The following AHCYL1 variants were observed in gnomAD, a reference collection of about 807,000 sequenced individuals.
The protein encoded by AHCYL1 is S-adenosylhomocysteine hydrolase-like protein 1.
In AHCYL1, 20 loss-of-function variants were observed where a neutral mutation model predicts 79.3. That is an observed-to-expected ratio of 0.25 (90% CI 0.18 to 0.37). The LOEUF is 0.37. AHCYL1 is among the 10% of genes least tolerant of loss of function. AHCYL1 has a pLI of 1.00. For missense variants in AHCYL1, 330 were observed against 673.6 expected, an observed-to-expected ratio of 0.49 and a Z score of 5.65; for synonymous variants, 223 against 242.2, an observed-to-expected ratio of 0.92 and a Z score of 0.74.
chr1:110,011,382 G>A (rs780056087), intron 3 of AHCYL1, 25 bp downstream of exon 3: 83 of 1,610,798 alleles, frequency 5.2e-5, no homozygotes, highest in Non-Finnish European at 6.9e-5. Context: ...TGGGTTAGGG[G>A]ACCAGAAACA....
chr1:110,006,578 A>G (rs1454063203), intron 1 of AHCYL1, among the ~76,000 whole-genome samples: 2 of 152,196 alleles, frequency 1.3e-5, no homozygotes, highest in African/African-American at 4.8e-5. Flanking sequence ...TGCTTTTGGC[A>G]GCAGTGTTTA....
intron 1 of AHCYL1, among the ~76,000 whole-genome samples, chr1:109,997,764 G>A (rs1388373699): frequency 2.0e-5 from 3 of 152,168 alleles, no homozygotes; most frequent in Non-Finnish European, 4.4e-5. Context: ...AGAGGTTGGA[G>A]CACATAGAGT....
rs927929927 is a variant in AHCYL1 at position 109,995,599 on chromosome 1, T to G, written c.120+10427T>G. On this transcript the variant is annotated intron_variant, in intron 1 of 16. Coordinates refer to ENST00000369799, the MANE Select transcript of AHCYL1 (RefSeq NM_006621.7). Reference sequence around the variant, plus strand: ...ATTTGTTCCCTGTATTGGAAGTTGCTTTATCAAGAGCCTAGTAAACTCAGT... The same window carrying G: ...ATTTGTTCCCTGTATTGGAAGTTGCGTTATCAAGAGCCTAGTAAACTCAGT... 6 of 938,808 alleles carry G rather than the reference T, an allele frequency of 6.4e-6. No individual in the cohort carries two copies. In the African/African-American group the frequency reaches 1.1e-4, roughly 17 times the overall value. 58.2% of individuals were successfully genotyped at this position (938,808 alleles called of 1,614,324 possible).
intron 1 of AHCYL1, among the ~76,000 whole-genome samples, chr1:109,989,984 T>A (rs1364916461): frequency 6.6e-6 from 1 of 152,246 alleles, no homozygotes; most frequent in Non-Finnish European, 1.5e-5. Flanking sequence ...TATCAGTGCC[T>A]ATTGTGTAGT....
At chr1:110,008,849 T>C (rs1200037274) in intron 1 of AHCYL1, among the ~76,000 whole-genome samples, 185 bp from the exon 2 acceptor site, 3 of 152,178 alleles carry the variant, frequency 2.0e-5, no homozygotes, top group Admixed American at 2.0e-4. Flanking sequence ...GAGACAGTGA[T>C]TGACGTGTTG....
intron 10 of AHCYL1, 82 bp from the exon 11 acceptor site, chr1:110,017,864 G>A (rs1200020767): frequency 1.4e-6 from 2 of 1,403,082 alleles, no homozygotes; most frequent in African/African-American, 2.8e-5. Context: ...CCAACTAGAA[G>A]GGGATCTTGT....
At chr1:110,005,252 C>T (rs1270594224) in intron 1 of AHCYL1, among the ~76,000 whole-genome samples, 1 of 152,152 alleles carries the variant, frequency 6.6e-6, no homozygotes, top group Non-Finnish European at 1.5e-5. Flanking sequence ...GAATCTAGTT[C>T]TTGACACTTA....
At chr1:110,020,923 C>T (rs145896615) in intron 16 of AHCYL1, 72 bp downstream of exon 16, 17,984 of 1,527,508 alleles carry the variant, frequency 0.012, 118 homozygotes, top group Non-Finnish European at 0.014. Flanking sequence ...CTGCTTCTGA[C>T]ATAAAGATCA....
chr1:110,021,560 G>A (rs1229183713), intron 16 of AHCYL1, 114 bp from the exon 17 acceptor site: 2 of 960,702 alleles, frequency 2.1e-6, no homozygotes, highest in African/African-American at 3.3e-5. Flanking sequence ...ATGACTGCAG[G>A]GATCCCACCC....
At chr1:109,995,963 T>C (rs1570852091) in intron 1 of AHCYL1, among the ~76,000 whole-genome samples, 1 of 152,192 alleles carries the variant, frequency 6.6e-6, no homozygotes, top group African/African-American at 2.4e-5. Flanking sequence ...CTCACGCCTG[T>C]AATCCCAACA....
At chr1:109,996,765 T>C (rs919110059) in intron 1 of AHCYL1, among the ~76,000 whole-genome samples, 4 of 152,182 alleles carry the variant, frequency 2.6e-5, no homozygotes, top group Non-Finnish European at 2.9e-5. Context: ...ATTTTTCAGC[T>C]CTATCATATT....
intron 1 of AHCYL1, among the ~76,000 whole-genome samples, chr1:109,999,935 A>C (rs958306637): frequency 1.4e-4 from 22 of 152,080 alleles, no homozygotes; most frequent in African/African-American, 5.3e-4. Flanking sequence ...GATCTTTTAG[A>C]CATAAGACTT....
chr1:110,004,752 AAGAG>A (rs150156904), intron 1 of AHCYL1, among the ~76,000 whole-genome samples: 3 of 152,282 alleles, frequency 2.0e-5, no homozygotes, highest in South Asian at 2.1e-4. Flanking sequence ...TCTCTTTAAA[AAGAG>A]AGAGAACGTA....
chr1:110,003,709 ACAGGT>A (rs1462155569), intron 1 of AHCYL1, among the ~76,000 whole-genome samples: 1 of 152,166 alleles, frequency 6.6e-6, no homozygotes, highest in East Asian at 1.9e-4. Flanking sequence ...AGAAGTATGG[ACAGGT>A]CAGGCAACTA....
rs755282643 is a variant in AHCYL1, at chr1:110,014,788, C to T, written c.606C>T (p.Gly202=). The change falls in exon 6 of 17, where the codon GGC becomes GGT. Residue 202 remains glycine (G), a synonymous_variant. Coordinates refer to ENST00000369799, the MANE Select transcript of AHCYL1 (RefSeq NM_006621.7). ...EAGVAVFAWK[G]ESEDDFWWCI... The stretch of plus-strand genomic sequence containing the variant: ...GAGTTGCAGTGTTCGCTTGGAAGGG[C>T]GAGTCAGAAGATGACTTCTGGTGGT... 8.1e-6 allele frequency: 13 copies of T among 1,614,122 alleles called. No individual in the cohort carries two copies. The highest frequency in any genetic ancestry group is 4.5e-5 in the East Asian group (2 of 44,874).
At position 110,012,413 on chromosome 1, in the gene AHCYL1, T is replaced by C; in HGVS notation, c.428T>C (p.Leu143Ser). The change falls in exon 4 of 17, where the codon TTG becomes TCG. Residue 143 changes from leucine to serine, a missense_variant. This residue lies in a region of AHCYL1 where 97 missense variants were observed against 176.3 expected (regional missense o/e 0.55). Transcript: ENST00000369799. ...AAACGTGCTCAGGGGGAGAAGCCCTTGGCTGGTGCTAAAATAGTGGGCTGT... is the reference window on the plus strand; with the variant it reads ...AAACGTGCTCAGGGGGAGAAGCCCTCGGCTGGTGCTAAAATAGTGGGCTGT... Reference protein sequence around the residue: ...LRKRAQGEKPLAGAKIVGCTH... With the variant: ...LRKRAQGEKPSAGAKIVGCTH... 1 of 1,613,920 alleles carries C rather than the reference T, an allele frequency of 6.2e-7. No individual in the cohort carries two copies.
intron 1 of AHCYL1, among the ~76,000 whole-genome samples, chr1:109,997,838 C>A (rs1038597668): frequency 7.9e-5 from 12 of 152,288 alleles, no homozygotes; most frequent in African/African-American, 2.6e-4. Context: ...AGGTCAAGAC[C>A]TCTTTACTTT....
At chr1:109,994,224 A>G (rs1649907770) in intron 1 of AHCYL1, among the ~76,000 whole-genome samples, 6 of 152,156 alleles carry the variant, frequency 3.9e-5, no homozygotes, top group Admixed American at 3.9e-4. Flanking sequence ...GGCAAGATTC[A>G]GGGGAAAAGG....
intron 1 of AHCYL1, among the ~76,000 whole-genome samples, chr1:109,989,139 C>T (rs17025294): frequency 2.0e-5 from 3 of 152,106 alleles, no homozygotes; most frequent in Non-Finnish European, 2.9e-5. Context: ...AAGATTTCTC[C>T]GCAGGTATTG....
Sources: gnomAD v4.1 joint callset for allele counts (sites outside exome capture counted in the v4.1 genomes callset) on GRCh38, gnomAD v4.1.1 for gene constraint, gnomAD v4.1.1 regional missense constraint, MANE v1.5 for transcripts, NCBI Gene and HGNC (gene_info 2026-07-23, HGNC 2026-07-21) for gene names.